DIPK1A: variants seen among roughly 807,000 people sequenced by gnomAD.
DIPK1A encodes the protein divergent protein kinase domain 1A.
DIPK1A carries 27 observed loss-of-function variants against 40.8 expected under a neutral mutation model. The ratio of observed to expected loss-of-function variants is 0.66; its 90% CI spans 0.49 to 0.91. The LOEUF is 0.91. Ranked by LOEUF, DIPK1A falls within the 40% of genes least tolerant of loss-of-function variation. The pLI is 0.00. For synonymous variants in DIPK1A, 166 were observed against 171.3 expected, an observed-to-expected ratio of 0.97 and a Z score of 0.24; for missense variants, 412 against 505.7, an observed-to-expected ratio of 0.81 and a Z score of 1.78.
At chr1:92,925,475 A>C (rs1216136701) in intron 1 of DIPK1A, among the ~76,000 whole-genome samples, 1 of 152,004 alleles carries the variant, frequency 6.6e-6, no homozygotes, top group Non-Finnish European at 1.5e-5. Context: ...AAGACTATTC[A>C]GTTTTTTGGG....
chr1:92,842,238 C>T lies in DIPK1A; in HGVS notation c.*1145G>A. On this transcript the variant is annotated 3_prime_UTR_variant, in exon 5 of 5. Transcript: ENST00000370310. ...TACCTTAAAGTAAACAAAACTGGTG[C>T]TAATCCATGGCGTTGAAGGAAAGTT... The T allele has an allele frequency of 3.0e-6, 3 of 991,600 alleles. No individual in the cohort carries two copies. The highest frequency in any genetic ancestry group is 3.6e-6 in the Non-Finnish European group (3 of 834,092). The allele number at this position is 991,600 out of a possible 1,614,324, so 61.4% of individuals were successfully genotyped here. A position where few individuals can be genotyped will look rare whatever the true frequency, so the allele number is the denominator to read the frequency against.
At chr1:92,897,083 G>A (rs1649206008) in intron 1 of DIPK1A, among the ~76,000 whole-genome samples, 2 of 152,044 alleles carry the variant, frequency 1.3e-5, no homozygotes, top group Middle Eastern at 3.4e-3. Flanking sequence ...CAACCATTGT[G>A]GAAGTCAGTG....
At chr1:92,887,723 G>A (rs1163879297) in intron 1 of DIPK1A, among the ~76,000 whole-genome samples, 1 of 152,128 alleles carries the variant, frequency 6.6e-6, no homozygotes, top group Non-Finnish European at 1.5e-5. Context: ...GATACTGGAG[G>A]GGACTACTAT....
At chr1:92,842,071 C>G (rs745887322), downstream of DIPK1A, 32 of 785,498 alleles carry the variant, frequency 4.1e-5, no homozygotes, top group Admixed American at 1.8e-4. Context: ...TCTTGGGCTT[C>G]TGTTTTACCT....
intron 4 of DIPK1A, chr1:92,833,291 C>T (rs1341168812): frequency 4.0e-6 from 4 of 992,820 alleles, no homozygotes; most frequent in Non-Finnish European, 6.3e-6. Context: ...TCTGTTTACT[C>T]TTGAAGTTCA....
In DIPK1A at chr1:92,842,862, T is replaced by TAAGTC. The variant is rs1010010721; in HGVS notation, c.*516_*520dup. 4 of 985,606 alleles carry TAAGTC rather than the reference T, an allele frequency of 4.1e-6. No individual in the cohort carries two copies. The African/African-American group carries it at 7.0e-5, about 17-fold the overall frequency. The allele number at this position is 985,606 out of a possible 1,614,324, so 61.1% of individuals were successfully genotyped here. On this transcript the variant is annotated 3_prime_UTR_variant, in exon 5 of 5. Transcript: ENST00000370310. ...CTGAATGAGGTTAAAAATGGGTGTATAAGTCTTTAATACAGTAAACCATGC... is the reference window on the plus strand; with the variant it reads ...CTGAATGAGGTTAAAAATGGGTGTATAAGTCAAGTCTTTAATACAGTAAACCATGC...
At chr1:92,834,123 TTAGAAG>T (rs1687023923) in intron 4 of DIPK1A, among the ~76,000 whole-genome samples, 1 of 152,118 alleles carries the variant, frequency 6.6e-6, no homozygotes, top group African/African-American at 2.4e-5. Flanking sequence ...GGTGGGGAGA[TTAGAAG>T]TAAGTAAGAA....
chr1:92,879,346 T>C (rs1041426037), intron 1 of DIPK1A, among the ~76,000 whole-genome samples: 6 of 152,218 alleles, frequency 3.9e-5, no homozygotes, highest in African/African-American at 1.4e-4. Flanking sequence ...TAAGGTGTGA[T>C]AATGGTTCTG....
At chr1:92,866,380 G>A (rs959110178) in intron 2 of DIPK1A, among the ~76,000 whole-genome samples, 1 of 152,200 alleles carries the variant, frequency 6.6e-6, no homozygotes. Flanking sequence ...GGGATTACAG[G>A]CATGAGCCAC....
intron 1 of DIPK1A, among the ~76,000 whole-genome samples, chr1:92,920,024 C>T (rs968416422): frequency 6.6e-6 from 1 of 152,166 alleles, no homozygotes; most frequent in African/African-American, 2.4e-5. Context: ...TACTAACTGA[C>T]AAGAACTAAG....
chr1:92,876,808 A>C (rs1032930009), intron 1 of DIPK1A, among the ~76,000 whole-genome samples: 1 of 152,220 alleles, frequency 6.6e-6, no homozygotes, highest in African/African-American at 2.4e-5. Context: ...TTCACATAAG[A>C]ATCTTAAAGG....
chr1:92,928,247 A>C (rs1380603966), intron 1 of DIPK1A, among the ~76,000 whole-genome samples: 1 of 152,232 alleles, frequency 6.6e-6, no homozygotes, highest in Non-Finnish European at 1.5e-5. Flanking sequence ...TAAAATATAC[A>C]TCCATAACTA....
chr1:92,837,385 A>G, downstream of DIPK1A: 1 of 1,313,000 alleles, frequency 7.6e-7, no homozygotes, highest in Non-Finnish European at 1.1e-6. Context: ...GATGGCAGCT[A>G]CTAAAGTAAA....
chr1:92,921,598 T>C (rs1430269754), intron 1 of DIPK1A, among the ~76,000 whole-genome samples: 2 of 152,146 alleles, frequency 1.3e-5, no homozygotes, highest in Non-Finnish European at 2.9e-5. Flanking sequence ...AGAGCAACTG[T>C]GCGTCAGTCT....
intron 1 of DIPK1A, among the ~76,000 whole-genome samples, chr1:92,904,558 A>G (rs902826203): frequency 2.0e-5 from 3 of 152,142 alleles, no homozygotes; most frequent in African/African-American, 7.2e-5. Flanking sequence ...GTATATATTT[A>G]TGAGGTACAC....
chr1:92,892,231 G>A lies in DIPK1A; in HGVS notation c.55-15801C>T, dbSNP rs4474259. Among the ~76,000 whole-genome samples, 486 of 152,180 alleles carry A rather than the reference G, an allele frequency of 3.2e-3. 8 individuals are homozygous for A. The highest frequency in any genetic ancestry group is 0.011 in the African/African-American group (466 of 41,454). On this transcript the variant is annotated intron_variant, in intron 1 of 4. Transcript: ENST00000370310. ...CTCCTCAACTGGGTCCCTGACTCCC[G>A]AGTAGCCTAACTGGGAGGCACCCCG...
At chr1:92,903,329 A>T (rs572803975) in intron 1 of DIPK1A, among the ~76,000 whole-genome samples, 45 of 152,316 alleles carry the variant, frequency 3.0e-4, no homozygotes, top group Non-Finnish European at 4.7e-4. Context: ...TACAGGGGTG[A>T]ACCACTATCC....
chr1:92,891,818 G>A (rs556197440), intron 1 of DIPK1A, among the ~76,000 whole-genome samples: 17 of 152,276 alleles, frequency 1.1e-4, no homozygotes, highest in East Asian at 9.7e-4. Context: ...CTAATACTGC[G>A]CTTTTCCAAT....
At chr1:92,862,379 C>T (rs969670950) in intron 2 of DIPK1A, among the ~76,000 whole-genome samples, 1 of 152,142 alleles carries the variant, frequency 6.6e-6, no homozygotes, top group African/African-American at 2.4e-5. Context: ...ACCTAGGCAC[C>T]GAGGGAGGAA....
Sources: gnomAD v4.1 joint callset for allele counts (sites outside exome capture counted in the v4.1 genomes callset) on GRCh38, gnomAD v4.1.1 for gene constraint, MANE v1.5 for transcripts, NCBI Gene and HGNC (gene_info 2026-07-23, HGNC 2026-07-21) for gene names.